Variants in AFAP1 observed in about 807,000 individuals in gnomAD.
The protein encoded by AFAP1 is actin filament associated protein 1.
AFAP1 carries 75 observed loss-of-function variants against 93.9 expected under a neutral mutation model. That is an observed-to-expected ratio of 0.80 (90% confidence interval 0.66 to 0.97). The LOEUF (loss-of-function observed/expected upper bound fraction) is 0.97. Among genes scored for constraint, AFAP1 ranks in the 50% least tolerant of loss-of-function variants. The pLI is 0.00. For missense variants in AFAP1, 1,201 were observed against 1,050.8 expected, an observed-to-expected ratio of 1.14 and a Z score of -1.98; for synonymous variants, 517 against 430.7, an observed-to-expected ratio of 1.20 and a Z score of -2.48.
At chr4:7,856,238 ATC>A (rs1324177612) in intron 3 of AFAP1, among the ~76,000 whole-genome samples, 1 of 148,802 alleles carries the variant, frequency 6.7e-6, no homozygotes, top group Non-Finnish European at 1.5e-5. Context: ...ATTAAAACCA[ATC>A]ATGTCACAAT....
chr4:7,868,968 GAAAAGAA>G lies in AFAP1; in HGVS notation c.128-256_128-250del, dbSNP rs375924103. Among the ~76,000 whole-genome samples, 523 of 117,694 alleles carry G rather than the reference GAAAAGAA, an allele frequency of 4.4e-3. 4 individuals carry two copies. Among genetic ancestry groups the G allele is most frequent in the African/African-American group, 0.015 (458 of 31,554 alleles). 77.2% of individuals were successfully genotyped at this position (117,694 alleles called of 152,430 possible). On this transcript the variant is annotated intron_variant, in intron 2 of 17. Coordinates refer to ENST00000420658, the MANE Select transcript of AFAP1 (RefSeq NM_001134647.2). ...GAGAAAGGGAAAGGGAAAGAAAAGAGAAAAGAAAAAAGAAAAAAGAAAAGAAAAGAGA... is the reference window on the plus strand; with the variant it reads ...GAGAAAGGGAAAGGGAAAGAAAAGAGAAAAGAAAAAAGAAAAGAAAAGAGA...
intron 4 of AFAP1, among the ~76,000 whole-genome samples, chr4:7,845,799 C>T (rs1450277013): frequency 6.6e-6 from 1 of 152,134 alleles, no homozygotes; most frequent in Non-Finnish European, 1.5e-5. Context: ...AATTTTCATT[C>T]AAGTCCCACA....
chr4:7,923,554 C>G (rs1233282533), intron 1 of AFAP1, among the ~76,000 whole-genome samples: 1 of 152,242 alleles, frequency 6.6e-6, no homozygotes, highest in African/African-American at 2.4e-5. Context: ...TCTTGGCTCA[C>G]TGCAACCTCC....
chr4:7,838,789 G>C, intron 5 of AFAP1, 86 bp from the exon 6 acceptor site: 1 of 1,467,292 alleles, frequency 6.8e-7, no homozygotes, highest in Non-Finnish European at 9.3e-7. Flanking sequence ...GAAAACCTGA[G>C]TGCGGGCAAG....
intron 10 of AFAP1, among the ~76,000 whole-genome samples, chr4:7,795,007 T>C (rs1014446907): frequency 6.6e-6 from 1 of 152,232 alleles, no homozygotes; most frequent in African/African-American, 2.4e-5. Context: ...TAAAAATTAC[T>C]AATTTAAATA....
At chr4:7,854,747 C>A (rs1577299094) in intron 4 of AFAP1, among the ~76,000 whole-genome samples, 1 of 152,002 alleles carries the variant, frequency 6.6e-6, no homozygotes, top group East Asian at 1.9e-4. Flanking sequence ...AGCTGGATTC[C>A]ATTAGTTGAC....
At chr4:7,841,079 T>C (rs1173531924) in intron 5 of AFAP1, among the ~76,000 whole-genome samples, 1 of 152,216 alleles carries the variant, frequency 6.6e-6, no homozygotes, top group Non-Finnish European at 1.5e-5. Flanking sequence ...AATCTGGCAG[T>C]CCTAGCAGGC....
intron 1 of AFAP1, among the ~76,000 whole-genome samples, chr4:7,880,278 CTTTT>C (rs35346388): frequency 3.3e-5 from 4 of 120,558 alleles, no homozygotes; most frequent in Admixed American, 9.0e-5. Flanking sequence ...ACCCAAATGC[CTTTT>C]TTTTTTTTTT....
At chr4:7,931,003 C>T (rs1465972897) in intron 1 of AFAP1, among the ~76,000 whole-genome samples, 2 of 152,142 alleles carry the variant, frequency 1.3e-5, no homozygotes, top group East Asian at 1.9e-4. Flanking sequence ...CTGCCTGCCT[C>T]GGCCTCCCAA....
intron 11 of AFAP1, among the ~76,000 whole-genome samples, chr4:7,789,989 G>A (rs1274025181): frequency 6.6e-6 from 1 of 152,104 alleles, no homozygotes; most frequent in Non-Finnish European, 1.5e-5. Context: ...ACTTTTCCTG[G>A]GAGAATCTCC....
intron 6 of AFAP1, among the ~76,000 whole-genome samples, chr4:7,825,672 AG>A (rs1721360683): frequency 6.6e-6 from 1 of 152,234 alleles, no homozygotes; most frequent in South Asian, 2.1e-4. Flanking sequence ...TGTACGCTTC[AG>A]GAAGTTGCGA....
At chr4:7,797,740 T>A (rs1448330274) in intron 10 of AFAP1, among the ~76,000 whole-genome samples, 1 of 152,194 alleles carries the variant, frequency 6.6e-6, no homozygotes, top group Non-Finnish European at 1.5e-5. Context: ...TGCATGGTAG[T>A]TTCCTGACTG....
chr4:7,875,002 G>A (rs1369924477), intron 1 of AFAP1, among the ~76,000 whole-genome samples: 1 of 151,998 alleles, frequency 6.6e-6, no homozygotes, highest in Non-Finnish European at 1.5e-5. Context: ...TATATTTTGA[G>A]ACCAAAAAGT....
Position 7,850,802 on chromosome 4 carries a change from C to T in AFAP1, c.334+4664G>A, listed in dbSNP as rs150202811. On this transcript the variant is annotated intron_variant, in intron 4 of 17. Coordinates refer to ENST00000420658, the MANE Select transcript of AFAP1 (RefSeq NM_001134647.2). ...GAGCCAAGGGCATCCGCATCTTGTGCGGGTCACTTGTGTCACTGAGTCTGG... is the reference window on the plus strand; with the variant it reads ...GAGCCAAGGGCATCCGCATCTTGTGTGGGTCACTTGTGTCACTGAGTCTGG... Among the ~76,000 whole-genome samples, 55 of 152,340 alleles carry T rather than the reference C, an allele frequency of 3.6e-4. No individual in the cohort carries two copies. In the East Asian group the frequency reaches 6.9e-3, roughly 19 times the overall value.
At chr4:7,815,717 C>T (rs1437270166) in intron 8 of AFAP1, among the ~76,000 whole-genome samples, 1 of 152,074 alleles carries the variant, frequency 6.6e-6, no homozygotes, top group Admixed American at 6.6e-5. Flanking sequence ...AGTGACAGAT[C>T]GAGTGAAGAA....
intron 1 of AFAP1, among the ~76,000 whole-genome samples, chr4:7,914,370 T>A (rs1719946101): frequency 6.6e-6 from 1 of 152,158 alleles, no homozygotes; most frequent in Admixed American, 6.5e-5. Flanking sequence ...CTATATATAT[T>A]CTTGTTATCC....
chr4:7,855,980 C>A (rs950081950), intron 3 of AFAP1, among the ~76,000 whole-genome samples: 2 of 152,166 alleles, frequency 1.3e-5, no homozygotes, highest in Non-Finnish European at 2.9e-5. Flanking sequence ...AGGCCTCAGA[C>A]GCAGACTCTG....
At chr4:7,893,373 G>A (rs1014477172) in intron 1 of AFAP1, among the ~76,000 whole-genome samples, 1 of 152,122 alleles carries the variant, frequency 6.6e-6, no homozygotes, top group African/African-American at 2.4e-5. Flanking sequence ...GACGTTAGGA[G>A]ATCCAGACCA....
chr4:7,863,418 A>C (rs538456686), intron 3 of AFAP1, among the ~76,000 whole-genome samples: 1 of 151,800 alleles, frequency 6.6e-6, no homozygotes, highest in Non-Finnish European at 1.5e-5. Flanking sequence ...GACTGCCAAG[A>C]AAGAACGAAA....
Sources: gnomAD v4.1 joint callset for allele counts (sites outside exome capture counted in the v4.1 genomes callset) on GRCh38, gnomAD v4.1.1 for gene constraint, MANE v1.5 for transcripts, NCBI Gene and HGNC (gene_info 2026-07-23, HGNC 2026-07-21) for gene names.